EPHA6: variants seen among roughly 807,000 people sequenced by gnomAD.
EPHA6 encodes the protein ephrin type-A receptor 6.
EPHA6 carries 50 observed loss-of-function variants against 112.0 expected under a neutral mutation model. The observed-to-expected ratio is 0.45, with a 90% CI of 0.36 to 0.56. The LOEUF is 0.56. Among genes scored for constraint, EPHA6 ranks in the 20% least tolerant of loss-of-function variants. EPHA6 has a pLI of 0.00. For missense variants in EPHA6, 1,280 were observed against 1,417.4 expected (o/e 0.90, Z 1.56); for synonymous variants, 529 against 490.7 (o/e 1.08, Z -1.03).
chr3:96,866,252 C>T (rs1194691309), intron 1 of EPHA6, among the ~76,000 whole-genome samples: 2 of 151,944 alleles, frequency 1.3e-5, no homozygotes, highest in African/African-American at 4.8e-5. Flanking sequence ...TACTTTTGGT[C>T]AGGAAAAGAG....
chr3:96,940,638 A>T (rs779025927), intron 2 of EPHA6, among the ~76,000 whole-genome samples: 2 of 152,170 alleles, frequency 1.3e-5, no homozygotes, highest in Non-Finnish European at 2.9e-5. Context: ...TGATCCTGTC[A>T]TTATGATGTT....
intron 4 of EPHA6, among the ~76,000 whole-genome samples, chr3:97,236,589 T>C (rs1341009855): frequency 6.6e-6 from 1 of 152,120 alleles, no homozygotes; most frequent in East Asian, 1.9e-4. Flanking sequence ...TTGTATTGTT[T>C]TATCTAAATA....
At chr3:96,865,686 A>AAAAC (rs1186428192) in intron 1 of EPHA6, among the ~76,000 whole-genome samples, 27 of 144,518 alleles carry the variant, frequency 1.9e-4, no homozygotes, top group East Asian at 8.1e-4. Context: ...GTCTCTTTAA[A>AAAAC]AAACAAACAA....
chr3:97,479,457 GAA>G (rs3217695), intron 9 of EPHA6, 93 bp downstream of exon 9: 3 of 732,274 alleles, frequency 4.1e-6, no homozygotes, highest in South Asian at 3.5e-5. Flanking sequence ...GAGAAAAAAA[GAA>G]AAAAAAAATC....
chr3:97,636,100 A>G (rs553066538), intron 13 of EPHA6, among the ~76,000 whole-genome samples: 49 of 152,082 alleles, frequency 3.2e-4, no homozygotes, highest in African/African-American at 1.1e-3. Flanking sequence ...AAGTTAGATG[A>G]CTCTATTCTC....
At chr3:97,112,141 G>T (rs1009315430) in intron 3 of EPHA6, among the ~76,000 whole-genome samples, 4 of 152,178 alleles carry the variant, frequency 2.6e-5, no homozygotes, top group African/African-American at 4.8e-5. Flanking sequence ...TTCATTTAAT[G>T]ATTTGCATAA....
At chr3:96,819,564 T>G (rs79300937) in intron 1 of EPHA6, among the ~76,000 whole-genome samples, 2,186 of 152,156 alleles carry the variant, frequency 0.014, 59 homozygotes, top group African/African-American at 0.05. Flanking sequence ...TAATAGAAAT[T>G]TTTTCATTGT....
Position 97,288,924 on chromosome 3 carries a change from ATT to A in EPHA6, c.1606+44655_1606+44656del, listed in dbSNP as rs374397667. ...ATCTTTTGCCCACTTTTTAATGGGG[ATT>A]TTTTTTTTTTTTTTTTTGCTTGTTG... On this transcript the variant is annotated intron_variant, in intron 5 of 17. Transcript: ENST00000389672. 0.017 allele frequency among the ~76,000 whole-genome samples: 1,908 copies of A among 111,260 alleles called. 67 individuals carry two copies. In the East Asian group the frequency reaches 0.17, roughly 10 times the overall value. The allele number at this position is 111,260 out of a possible 152,430, so 73.0% of individuals were successfully genotyped here. A position where few individuals can be genotyped will look rare whatever the true frequency, so the allele number is the denominator to read the frequency against.
chr3:96,869,840 T>C (rs1260195160), intron 2 of EPHA6, among the ~76,000 whole-genome samples: 1 of 152,092 alleles, frequency 6.6e-6, no homozygotes, highest in Admixed American at 6.6e-5. Context: ...AAAAGTGCTG[T>C]TGGATGTTAC....
At chr3:97,222,127 C>G (rs1229456987) in intron 3 of EPHA6, among the ~76,000 whole-genome samples, 1 of 151,820 alleles carries the variant, frequency 6.6e-6, no homozygotes, top group Non-Finnish European at 1.5e-5. Context: ...GATATTGAGG[C>G]CCATCTCTGG....
chr3:96,961,275 A>G (rs986058870), intron 2 of EPHA6, among the ~76,000 whole-genome samples: 1 of 152,214 alleles, frequency 6.6e-6, no homozygotes, highest in Non-Finnish European at 1.5e-5. Context: ...AAATGTATCT[A>G]TTCATCTCTA....
rs375195932 is a variant in EPHA6, at chr3:97,636,165, A to G, written c.2575-1708A>G. Among the ~76,000 whole-genome samples, 116 of 152,190 alleles carry G rather than the reference A, an allele frequency of 7.6e-4. 1 individual carries two copies. Among genetic ancestry groups the G allele is most frequent in the Middle Eastern group, 6.8e-3 (2 of 292 alleles). On this transcript the variant is annotated intron_variant, in intron 13 of 17. Coordinates refer to ENST00000389672, the MANE Select transcript of EPHA6 (RefSeq NM_001080448.3). ...GTTTTCAGGTGCCCCATTAACATTC[A>G]CTACTACTTTAAAATTCTGCTTGAC...
chr3:97,096,244 T>C lies in EPHA6; in HGVS notation c.1114+108251T>C, dbSNP rs983071630. The stretch of plus-strand genomic sequence containing the variant: ...TAACCTAAGGAAATATATATATATA[T>C]ACACACACACACATACACACACATA... On this transcript the variant is annotated intron_variant, in intron 3 of 17. Coordinates refer to ENST00000389672, the MANE Select transcript of EPHA6 (RefSeq NM_001080448.3). Among the ~76,000 whole-genome samples, 41 of 149,734 alleles carry C rather than the reference T, an allele frequency of 2.7e-4. 1 individual carries two copies. The highest frequency in any genetic ancestry group is 4.0e-4 in the Admixed American group (6 of 14,970).
chr3:96,894,723 C>T (rs779618869), intron 2 of EPHA6, among the ~76,000 whole-genome samples: 2 of 151,816 alleles, frequency 1.3e-5, no homozygotes, highest in Non-Finnish European at 2.9e-5. Flanking sequence ...TTAATGTGGA[C>T]GTGGATGAGG....
intron 2 of EPHA6, among the ~76,000 whole-genome samples, chr3:96,897,170 A>G (rs1011978507): frequency 6.6e-6 from 1 of 151,726 alleles, no homozygotes; most frequent in East Asian, 1.9e-4. Context: ...TCAGGTAAAC[A>G]TACATATGCA....
intron 3 of EPHA6, among the ~76,000 whole-genome samples, chr3:97,225,760 CA>C (rs1319571214): frequency 6.6e-6 from 1 of 151,948 alleles, no homozygotes; most frequent in African/African-American, 2.4e-5. Flanking sequence ...ACAGCATATA[CA>C]AAAGAAAATT....
At chr3:97,071,270 G>GT (rs1038725061) in intron 3 of EPHA6, among the ~76,000 whole-genome samples, 1 of 151,956 alleles carries the variant, frequency 6.6e-6, no homozygotes, top group Non-Finnish European at 1.5e-5. Context: ...TGTAGGATAT[G>GT]TTTTTTCCTT....
chr3:97,128,618 G>A (rs571031601), intron 3 of EPHA6, among the ~76,000 whole-genome samples: 2 of 152,070 alleles, frequency 1.3e-5, no homozygotes, highest in African/African-American at 2.4e-5. Context: ...TCCTGGGTTC[G>A]ATTCTCATGT....
At chr3:97,655,818 A>C (rs956973516) in intron 14 of EPHA6, among the ~76,000 whole-genome samples, 1 of 151,496 alleles carries the variant, frequency 6.6e-6, no homozygotes, top group Non-Finnish European at 1.5e-5. Context: ...ATGACGAGTT[A>C]ATGGGTGCAG....
Sources: allele counts gnomAD v4.1 joint callset (sites outside exome capture counted in the v4.1 genomes callset), GRCh38; gene constraint gnomAD v4.1.1; transcripts MANE v1.5; gene names NCBI Gene and HGNC (gene_info 2026-07-23, HGNC 2026-07-21).